The following NEK10 variants were observed in gnomAD, a reference collection of about 807,000 sequenced individuals.
NEK10 encodes serine/threonine-protein kinase Nek10.
NEK10 carries 122 observed loss-of-function variants against 159.8 expected under a neutral mutation model. That is an observed-to-expected ratio of 0.76 (90% CI 0.66 to 0.89). NEK10 has a LOEUF of 0.89. Among genes scored for constraint, NEK10 ranks in the 40% least tolerant of loss-of-function variants. The pLI, the probability that NEK10 is intolerant of heterozygous loss-of-function variation, is 0.00. For synonymous variants in NEK10, 466 were observed against 457.1 expected (o/e 1.02, Z -0.25); for missense variants, 1,342 against 1,323.1 (o/e 1.01, Z -0.22).
intron 32 of NEK10, among the ~76,000 whole-genome samples, chr3:27,126,194 G>A (rs531725323): frequency 5.6e-4 from 85 of 152,290 alleles, no homozygotes; most frequent in Non-Finnish European, 9.6e-4. Flanking sequence ...AGTGCCAGCT[G>A]CTAAATAAAG....
At chr3:27,221,960 T>C (rs758867290) in intron 23 of NEK10, among the ~76,000 whole-genome samples, 1 of 152,144 alleles carries the variant, frequency 6.6e-6, no homozygotes, top group Non-Finnish European at 1.5e-5. Flanking sequence ...ATCGTAAAAG[T>C]ATAAAAACAT....
At chr3:27,175,214 A>C (rs1389626852) in intron 26 of NEK10, among the ~76,000 whole-genome samples, 1 of 152,220 alleles carries the variant, frequency 6.6e-6, no homozygotes, top group Admixed American at 6.5e-5. Context: ...CACAGCAAAT[A>C]AGTAAGGCTT....
intron 9 of NEK10, chr3:27,310,358 G>C (rs1010177553): frequency 6.6e-6 from 1 of 152,140 alleles, no homozygotes; most frequent in African/African-American, 2.4e-5. Flanking sequence ...GTATCACCTA[G>C]AATCATCCTC....
At chr3:27,315,758 C>T (rs2045107878) in intron 6 of NEK10, among the ~76,000 whole-genome samples, 1 of 152,100 alleles carries the variant, frequency 6.6e-6, no homozygotes, top group South Asian at 2.1e-4. Context: ...GAACTTAAGA[C>T]AGAACGAGAT....
At chr3:27,169,583 AT>A (rs1437236851) in intron 29 of NEK10, among the ~76,000 whole-genome samples, 1 of 152,246 alleles carries the variant, frequency 6.6e-6, no homozygotes, top group Non-Finnish European at 1.5e-5. Flanking sequence ...CCTGATCTTC[AT>A]TTGAAGATAA....
At chr3:27,199,870 A>C (rs191221085) in intron 25 of NEK10, among the ~76,000 whole-genome samples, 6 of 152,302 alleles carry the variant, frequency 3.9e-5, no homozygotes, top group Admixed American at 3.9e-4. Flanking sequence ...AGAAAACCAA[A>C]TACTACATGT....
chr3:27,178,374 A>G (rs929086340), intron 26 of NEK10, among the ~76,000 whole-genome samples: 1 of 152,230 alleles, frequency 6.6e-6, no homozygotes, highest in Non-Finnish European at 1.5e-5. Context: ...AAATAAATAT[A>G]AAGCATAACA....
chr3:27,152,594 C>A (rs778146366), intron 30 of NEK10, among the ~76,000 whole-genome samples: 1 of 151,286 alleles, frequency 6.6e-6, no homozygotes, highest in Non-Finnish European at 1.5e-5. Flanking sequence ...AAAAGCAAAA[C>A]CAAAAAACAA....
At chr3:27,141,729 C>A in intron 30 of NEK10, 147 bp from the exon 31 acceptor site, 1 of 545,478 alleles carries the variant, frequency 1.8e-6, no homozygotes, top group South Asian at 2.8e-5. Context: ...AATACTTCAA[C>A]ATTTTATGAC....
chr3:27,144,328 T>C (rs1466492064), intron 30 of NEK10, among the ~76,000 whole-genome samples: 5 of 152,238 alleles, frequency 3.3e-5, no homozygotes, highest in Non-Finnish European at 7.3e-5. Context: ...TCTGTCCTAG[T>C]GGACACTTCC....
chr3:27,179,336 C>A (rs1172616744), intron 26 of NEK10, among the ~76,000 whole-genome samples: 1 of 152,122 alleles, frequency 6.6e-6, no homozygotes, highest in Non-Finnish European at 1.5e-5. Flanking sequence ...GTTATTATCT[C>A]ATTATTATAC....
At chr3:27,162,450 G>A in intron 30 of NEK10, 1 of 1,613,606 alleles carries the variant, frequency 6.2e-7, no homozygotes, top group South Asian at 1.1e-5. Flanking sequence ...ATGTGATCTA[G>A]TAAGTACTAC....
intron 31 of NEK10, among the ~76,000 whole-genome samples, chr3:27,133,898 G>A (rs1013176206): frequency 2.6e-5 from 4 of 152,272 alleles, no homozygotes; most frequent in Admixed American, 1.3e-4. Flanking sequence ...TTGTAGGTTG[G>A]CAGCACTGAG....
At chr3:27,359,410 T>TA (rs1216706146) in intron 1 of NEK10, among the ~76,000 whole-genome samples, 2 of 152,178 alleles carry the variant, frequency 1.3e-5, no homozygotes, top group African/African-American at 2.4e-5. Flanking sequence ...GAATAATGAT[T>TA]AACCTTTCAT....
intron 25 of NEK10, among the ~76,000 whole-genome samples, chr3:27,193,236 G>A (rs1370907849): frequency 6.6e-6 from 1 of 152,112 alleles, no homozygotes; most frequent in Non-Finnish European, 1.5e-5. Flanking sequence ...TCCTTCCCCT[G>A]TAATCCCACA....
At chr3:27,310,897 T>A in intron 9 of NEK10, 52 bp downstream of exon 9, 1 of 1,125,380 alleles carries the variant, frequency 8.9e-7, no homozygotes, top group South Asian at 1.3e-5. Flanking sequence ...TTCCCTAATG[T>A]GAACTATTGC....
At chr3:27,267,233 C>A (rs1414072501) in intron 22 of NEK10, among the ~76,000 whole-genome samples, 1 of 152,184 alleles carries the variant, frequency 6.6e-6, no homozygotes, top group African/African-American at 2.4e-5. Context: ...TATAGTCATA[C>A]CCTCTCCAAC....
intron 22 of NEK10, among the ~76,000 whole-genome samples, chr3:27,283,942 A>G (rs1700562318): frequency 6.6e-6 from 1 of 152,244 alleles, no homozygotes; most frequent in Non-Finnish European, 1.5e-5. Flanking sequence ...AAAAAACCTG[A>G]AAACCATTGA....
chr3:27,209,559 G>T (rs4973861), intron 23 of NEK10, among the ~76,000 whole-genome samples: 35,766 of 152,204 alleles, frequency 0.23, 4,551 homozygotes, highest in Middle Eastern at 0.38. Context: ...CACATTTGAA[G>T]ATATGAAATG....
Sources: allele counts gnomAD v4.1 joint callset (sites outside exome capture counted in the v4.1 genomes callset), GRCh38; gene constraint gnomAD v4.1.1; transcripts MANE v1.5; gene names NCBI Gene and HGNC (gene_info 2026-07-23, HGNC 2026-07-21).